DNAH11: variants seen among roughly 807,000 people sequenced by gnomAD.
DNAH11 encodes dynein axonemal heavy chain 11, also known as axonemal beta dynein heavy chain 11.
A neutral mutation model predicts 526.0 loss-of-function variants in DNAH11; 442 were observed. The observed-to-expected ratio is 0.84, with a 90% confidence interval of 0.78 to 0.91. The LOEUF (loss-of-function observed/expected upper bound fraction) is 0.91, where lower values mean the gene tolerates loss of function less well. Among genes scored for constraint, DNAH11 ranks in the 40% least tolerant of loss-of-function variants. DNAH11 has a pLI of 0.00. For synonymous variants in DNAH11, 2,461 were observed against 1,935.9 expected (o/e 1.27, Z -7.12); for missense variants, 6,989 against 5,448.7 (o/e 1.28, Z -8.90).
chr7:21,761,621 T>C (rs1226080491), intron 54 of DNAH11, among the ~76,000 whole-genome samples: 1 of 152,320 alleles, frequency 6.6e-6, no homozygotes, highest in Non-Finnish European at 1.5e-5. Flanking sequence ...TGATTATTTA[T>C]GTCTGGAGTT....
chr7:21,802,828 G>A (rs1408380799), intron 62 of DNAH11, among the ~76,000 whole-genome samples: 1 of 151,900 alleles, frequency 6.6e-6, no homozygotes, highest in Non-Finnish European at 1.5e-5. Context: ...GTTGCCAGGG[G>A]CTGGACAAGG....
At chr7:21,644,002 C>T (rs564205666) in intron 28 of DNAH11, among the ~76,000 whole-genome samples, 13 of 152,246 alleles carry the variant, frequency 8.5e-5, no homozygotes, top group Non-Finnish European at 1.9e-4. Flanking sequence ...TACATATACT[C>T]AGGAATGCTT....
At chr7:21,597,724 G>A (rs1426420479) in intron 14 of DNAH11, among the ~76,000 whole-genome samples, 2 of 152,152 alleles carry the variant, frequency 1.3e-5, no homozygotes, top group Admixed American at 1.3e-4. Flanking sequence ...CCAACACATG[G>A]AGATTACAAT....
chr7:21,846,701 G>A (rs1362486960), intron 66 of DNAH11, among the ~76,000 whole-genome samples: 5 of 152,006 alleles, frequency 3.3e-5, no homozygotes, highest in Admixed American at 3.3e-4. Flanking sequence ...TCTGGTTTTG[G>A]TCTTAGGGTA....
chr7:21,616,070 A>T, intron 21 of DNAH11, 139 bp from the exon 22 acceptor site: 2 of 647,248 alleles, frequency 3.1e-6, no homozygotes, highest in Admixed American at 2.7e-5. Flanking sequence ...GGAAGTTTTG[A>T]CAAGTGCAGT....
chr7:21,560,417 A>C (rs913016303), intron 4 of DNAH11, among the ~76,000 whole-genome samples: 32 of 152,190 alleles, frequency 2.1e-4, no homozygotes, highest in Middle Eastern at 3.2e-3. Flanking sequence ...TTGAGGAGCA[A>C]GGGAGCCAGT....
chr7:21,741,312 C>G (rs9639396), intron 48 of DNAH11, among the ~76,000 whole-genome samples: 2 of 152,048 alleles, frequency 1.3e-5, no homozygotes, highest in Non-Finnish European at 2.9e-5. Context: ...ATAGTGGTCA[C>G]TGTATGAATG....
Position 21,864,630 on chromosome 7 carries a change from A to C in DNAH11, c.11469A>C (p.Leu3823=), listed in dbSNP as rs776544602. The C allele has an allele frequency of 7.0e-5, 112 of 1,607,570 alleles. No homozygotes were observed. Among genetic ancestry groups the C allele is most frequent in the Middle Eastern group, 1.6e-4 (1 of 6,062 alleles). Reference sequence around the variant, plus strand: ...CTCATCTGAGTCCCGTTGACTTCCTAACTTCTCAGTCATGGAGTGCTATCA... The same window carrying C: ...CTCATCTGAGTCCCGTTGACTTCCTCACTTCTCAGTCATGGAGTGCTATCA... ...EHTHLSPVDF[L]TSQSWSAIKA... Residue 3823 remains leucine (L), a synonymous_variant, in exon 70 of 82, where the codon CTA becomes CTC. Coordinates refer to ENST00000409508, the MANE Select transcript of DNAH11 (RefSeq NM_001277115.2).
At chr7:21,702,403 A>C (rs1331286470) in intron 36 of DNAH11, among the ~76,000 whole-genome samples, 14 of 151,854 alleles carry the variant, frequency 9.2e-5, no homozygotes, top group Admixed American at 6.6e-4. Flanking sequence ...TGAGCTACTG[A>C]GTTAGCAGGT....
chr7:21,749,835 C>G (rs778449355), intron 53 of DNAH11, 34 bp downstream of exon 53: 1 of 1,610,864 alleles, frequency 6.2e-7, no homozygotes, highest in Admixed American at 1.7e-5. Flanking sequence ...GAAAGATCTT[C>G]CCCAATGACA....
At chr7:21,764,427 A>G (rs16872944) in intron 54 of DNAH11, among the ~76,000 whole-genome samples, 15,078 of 152,186 alleles carry the variant, frequency 0.099, 998 homozygotes, top group East Asian at 0.26. Flanking sequence ...GCAGCCACAA[A>G]GCTTGATATC....
intron 74 of DNAH11, among the ~76,000 whole-genome samples, chr7:21,876,985 C>G (rs554859169): frequency 8.5e-4 from 130 of 152,350 alleles, no homozygotes; most frequent in African/African-American, 3.0e-3. Flanking sequence ...CACAGATGTC[C>G]TTTCCCACAT....
chr7:21,599,241 G>A (rs749615692), intron 14 of DNAH11, among the ~76,000 whole-genome samples: 39 of 152,128 alleles, frequency 2.6e-4, no homozygotes, highest in Non-Finnish European at 1.3e-4. Context: ...AACCTCACCA[G>A]CATCTGTTAT....
intron 45 of DNAH11, among the ~76,000 whole-genome samples, chr7:21,728,382 C>T (rs1215175868): frequency 6.6e-6 from 1 of 150,530 alleles, no homozygotes; most frequent in Non-Finnish European, 1.5e-5. Flanking sequence ...CTCAGCCTCC[C>T]GAGTAGATGG....
chr7:21,695,982 T>C (rs1308242331), intron 35 of DNAH11, among the ~76,000 whole-genome samples: 1 of 152,160 alleles, frequency 6.6e-6, no homozygotes, highest in Non-Finnish European at 1.5e-5. Flanking sequence ...CCTTATTATC[T>C]GTAGTGATGT....
In DNAH11 at chr7:21,901,255, G is replaced by C; in HGVS notation, c.*1G>C. On this transcript the variant is annotated 3_prime_UTR_variant, in exon 82 of 82. Coordinates refer to ENST00000409508, the MANE Select transcript of DNAH11 (RefSeq NM_001277115.2). ...AGTGGCTCTGCTTCTAGAAGCGTAA[G>C]GTAACACTGGCATTCCTCTAGCCTC... 2 of 1,599,418 alleles carry C rather than the reference G, an allele frequency of 1.3e-6. No homozygotes were observed. Among genetic ancestry groups the C allele is most frequent in the East Asian group, 2.3e-5 (1 of 44,354 alleles).
intron 65 of DNAH11, among the ~76,000 whole-genome samples, chr7:21,836,944 T>C (rs926235096): frequency 6.6e-6 from 1 of 152,058 alleles, no homozygotes; most frequent in Non-Finnish European, 1.5e-5. Flanking sequence ...AGGACTTGAA[T>C]AGACATTTCT....
chr7:21,665,071 CTCTT>C (rs1418973312), intron 30 of DNAH11, among the ~76,000 whole-genome samples: 1 of 152,002 alleles, frequency 6.6e-6, no homozygotes, highest in Non-Finnish European at 1.5e-5. Context: ...TCAGTCTCCT[CTCTT>C]TCTTTATCTC....
At chr7:21,592,920 A>G (rs891513305) in intron 14 of DNAH11, among the ~76,000 whole-genome samples, 2 of 152,208 alleles carry the variant, frequency 1.3e-5, no homozygotes, top group Non-Finnish European at 2.9e-5. Flanking sequence ...CAAGTTAGTT[A>G]GAGATGCTTG....
Sources: gnomAD v4.1 joint callset for allele counts (sites outside exome capture counted in the v4.1 genomes callset) on GRCh38, gnomAD v4.1.1 for gene constraint, MANE v1.5 for transcripts, NCBI Gene and HGNC (gene_info 2026-07-23, HGNC 2026-07-21) for gene names.